The following AHCYL2 variants were observed in gnomAD, a reference collection of about 807,000 sequenced individuals.
AHCYL2 encodes the protein S-adenosylhomocysteine hydrolase-like protein 2.
AHCYL2 carries 28 observed loss-of-function variants against 81.4 expected under a neutral mutation model. The observed-to-expected ratio is 0.34, with a 90% CI of 0.25 to 0.47. The LOEUF (loss-of-function observed/expected upper bound fraction) is 0.47, where lower values mean the gene tolerates loss of function less well. Among genes scored for constraint, AHCYL2 ranks in the 20% least tolerant of loss-of-function variants. AHCYL2 has a pLI of 1.00. For synonymous variants in AHCYL2, 272 were observed against 290.2 expected (o/e 0.94, Z 0.64); for missense variants, 551 against 785.1 (o/e 0.70, Z 3.56).
chr7:129,402,452 T>C (rs1796081291), intron 6 of AHCYL2, among the ~76,000 whole-genome samples: 1 of 152,146 alleles, frequency 6.6e-6, no homozygotes, highest in Non-Finnish European at 1.5e-5. Context: ...GCAAGATGGG[T>C]GCATGTCAGC....
chr7:129,289,700 T>C (rs1796767397), intron 1 of AHCYL2, among the ~76,000 whole-genome samples: 1 of 152,192 alleles, frequency 6.6e-6, no homozygotes, highest in Non-Finnish European at 1.5e-5. Context: ...TATCATAAAC[T>C]CTTGGGTTTA....
intron 1 of AHCYL2, among the ~76,000 whole-genome samples, chr7:129,375,320 T>TA (rs1483037906): frequency 7.0e-6 from 1 of 143,024 alleles, no homozygotes; most frequent in Non-Finnish European, 1.5e-5. Context: ...CCTGAGTACT[T>TA]GGCACCATTA....
intron 13 of AHCYL2, 77 bp from the exon 14 acceptor site, chr7:129,424,797 C>T: frequency 6.7e-7 from 1 of 1,499,178 alleles, no homozygotes; most frequent in Non-Finnish European, 9.3e-7. Flanking sequence ...AAATGGTGGT[C>T]ATGCTTCTCT....
chr7:129,377,523 T>G (rs893907200), intron 1 of AHCYL2: 3 of 456,542 alleles, frequency 6.6e-6, no homozygotes, highest in African/African-American at 6.0e-5. Context: ...AGTGACTCAT[T>G]AGTTACCTCT....
intron 5 of AHCYL2, 128 bp downstream of exon 5, chr7:129,397,452 C>A (rs1563233135): frequency 3.1e-6 from 3 of 957,926 alleles, no homozygotes; most frequent in East Asian, 5.3e-5. Flanking sequence ...GATCTCGATT[C>A]TTCATGAATT....
At chr7:129,387,167 G>A (rs12706877) in intron 2 of AHCYL2, among the ~76,000 whole-genome samples, 3,661 of 152,252 alleles carry the variant, frequency 0.024, 74 homozygotes, top group Admixed American at 0.057. Flanking sequence ...ATTTTTTAAA[G>A]CTCTAAATAA....
At chr7:129,346,827 C>T (rs1793378225) in intron 1 of AHCYL2, among the ~76,000 whole-genome samples, 1 of 152,184 alleles carries the variant, frequency 6.6e-6, no homozygotes, top group South Asian at 2.1e-4. Context: ...CAAAAACCTG[C>T]TCACAGGTGT....
At chr7:129,254,116 A>C (rs894660707) in intron 1 of AHCYL2, among the ~76,000 whole-genome samples, 1 of 152,174 alleles carries the variant, frequency 6.6e-6, no homozygotes, top group Admixed American at 6.5e-5. Flanking sequence ...ATCTAAATGA[A>C]GATGTCTTGC....
At chr7:129,232,917 T>C (rs910640805) in intron 1 of AHCYL2, among the ~76,000 whole-genome samples, 36 of 152,198 alleles carry the variant, frequency 2.4e-4, no homozygotes, top group African/African-American at 8.4e-4. Context: ...TGTAAATTCT[T>C]TTTCTGTTTA....
chr7:129,317,496 T>A (rs1584776660), intron 1 of AHCYL2, among the ~76,000 whole-genome samples: 2 of 152,066 alleles, frequency 1.3e-5, no homozygotes, highest in Non-Finnish European at 2.9e-5. Context: ...AAAGGCTGGG[T>A]AGGAAATCTT....
intron 1 of AHCYL2, among the ~76,000 whole-genome samples, chr7:129,290,708 A>G (rs1435026923): frequency 6.6e-6 from 1 of 152,050 alleles, no homozygotes; most frequent in African/African-American, 2.4e-5. Flanking sequence ...AGGCAGGTGG[A>G]TCATGAGGTC....
At chr7:129,376,264 A>G (rs969817479) in intron 1 of AHCYL2, among the ~76,000 whole-genome samples, 2 of 152,242 alleles carry the variant, frequency 1.3e-5, no homozygotes, top group African/African-American at 4.8e-5. Context: ...TTGGTGTTTA[A>G]TTATTAAGAG....
intron 1 of AHCYL2, among the ~76,000 whole-genome samples, chr7:129,340,704 A>G (rs1793148192): frequency 3.0e-5 from 1 of 33,582 alleles, no homozygotes; most frequent in Admixed American, 4.8e-4. Context: ...GCTTTTACCC[A>G]TTTGAGTTTT....
At chr7:129,330,493 C>T (rs1472476365) in intron 1 of AHCYL2, among the ~76,000 whole-genome samples, 2 of 134,768 alleles carry the variant, frequency 1.5e-5, no homozygotes, top group Admixed American at 7.8e-5. Context: ...TTTTTTGAGA[C>T]GGAGTCTCAC....
chr7:129,236,741 A>T (rs1354989611), intron 1 of AHCYL2, among the ~76,000 whole-genome samples: 1 of 152,182 alleles, frequency 6.6e-6, no homozygotes, highest in East Asian at 1.9e-4. Flanking sequence ...ACCAATACTG[A>T]GTATTTTTCC....
intron 1 of AHCYL2, among the ~76,000 whole-genome samples, chr7:129,321,768 CTTGGTT>C (rs1331648020): frequency 2.0e-5 from 1 of 50,160 alleles, no homozygotes; most frequent in African/African-American, 7.6e-5. Flanking sequence ...TTTTTTTGGT[CTTGGTT>C]TTGTTTTTGT....
rs115943901 is a variant in AHCYL2 at position 129,333,686 on chromosome 7, C to A, written c.364-45952C>A. 2.8e-3 allele frequency among the ~76,000 whole-genome samples: 429 copies of A among 152,222 alleles called. 1 individual carries two copies. The highest frequency in any genetic ancestry group is 0.01 in the African/African-American group (419 of 41,536). On this transcript the variant is annotated intron_variant, in intron 1 of 16. Coordinates refer to ENST00000325006, the MANE Select transcript of AHCYL2 (RefSeq NM_015328.4). ...GGAAGTCAATCAGCATCAGATACAC[C>A]AATCCTCAGACCCTATAGTGCCACC...
intron 7 of AHCYL2, among the ~76,000 whole-genome samples, chr7:129,404,002 C>A (rs1336281800): frequency 1.4e-5 from 2 of 146,868 alleles, no homozygotes; most frequent in Admixed American, 6.8e-5. Flanking sequence ...ATTAACAACA[C>A]AAATAATGAA....
chr7:129,351,079 A>G (rs959408582), intron 1 of AHCYL2, among the ~76,000 whole-genome samples: 2 of 152,194 alleles, frequency 1.3e-5, no homozygotes, highest in Admixed American at 1.3e-4. Flanking sequence ...ATTTTATTCT[A>G]GAATATTATT....
Sources: allele counts gnomAD v4.1 joint callset (sites outside exome capture counted in the v4.1 genomes callset), GRCh38; gene constraint gnomAD v4.1.1; transcripts MANE v1.5; gene names NCBI Gene and HGNC (gene_info 2026-07-23, HGNC 2026-07-21).